Variants in SLC22A9 observed in about 807,000 individuals in gnomAD.
SLC22A9 encodes the protein solute carrier family 22 member 9.
SLC22A9 carries 64 observed loss-of-function variants against 50.1 expected under a neutral mutation model. That is an observed-to-expected ratio of 1.28 (90% CI 1.04 to 1.57). The LOEUF (loss-of-function observed/expected upper bound fraction) is 1.57, where lower values mean the gene tolerates loss of function less well. Among genes scored for constraint, SLC22A9 ranks in the 40% most tolerant of loss-of-function variants. The pLI, the probability that SLC22A9 is intolerant of heterozygous loss-of-function variation, is 0.00. For missense variants in SLC22A9, 757 were observed against 676.1 expected (o/e 1.12, Z -1.33); for synonymous variants, 261 against 242.5 (o/e 1.08, Z -0.71).
intron 7 of SLC22A9, among the ~76,000 whole-genome samples, chr11:63,407,797 G>A (rs4963408): frequency 6.6e-6 from 1 of 152,162 alleles, no homozygotes. Flanking sequence ...AGGCAGAGGA[G>A]TCCCTGGACG....
chr11:63,398,837 G>A (rs2014905636), intron 6 of SLC22A9, among the ~76,000 whole-genome samples: 2 of 152,094 alleles, frequency 1.3e-5, no homozygotes, highest in South Asian at 2.1e-4. Flanking sequence ...TTTGTGTGTC[G>A]ATAATTGTTA....
intron 6 of SLC22A9, among the ~76,000 whole-genome samples, chr11:63,386,883 C>G (rs564690826): frequency 3.3e-5 from 5 of 150,534 alleles, no homozygotes; most frequent in African/African-American, 1.2e-4. Context: ...TTTTTTGTAT[C>G]GCTGTCTCCT....
At chr11:63,382,324 T>A (rs1244989865) in intron 6 of SLC22A9, 47 bp downstream of exon 6, 1 of 1,368,728 alleles carries the variant, frequency 7.3e-7, no homozygotes, top group Non-Finnish European at 1.0e-6. Context: ...ACTGGAGACA[T>A]GAATCTTGTC....
intron 6 of SLC22A9, among the ~76,000 whole-genome samples, chr11:63,400,534 C>G (rs1026180717): frequency 6.6e-6 from 1 of 152,018 alleles, no homozygotes; most frequent in African/African-American, 2.4e-5. Flanking sequence ...AGTCCTCCAT[C>G]AAAGAACAAT....
At chr11:63,377,980 C>T (rs1412616977) in intron 5 of SLC22A9, among the ~76,000 whole-genome samples, 2 of 152,022 alleles carry the variant, frequency 1.3e-5, no homozygotes, top group Non-Finnish European at 2.9e-5. Flanking sequence ...AACATTCAAA[C>T]TCCCAATATT....
chr11:63,398,014 G>A (rs1443136026), intron 6 of SLC22A9, among the ~76,000 whole-genome samples: 1 of 152,154 alleles, frequency 6.6e-6, no homozygotes, highest in East Asian at 1.9e-4. Context: ...CCAGCACAAG[G>A]CAGAGTCTCA....
At chr11:63,408,937 G>A in intron 9 of SLC22A9, 58 bp downstream of exon 9, 2 of 1,577,516 alleles carry the variant, frequency 1.3e-6, no homozygotes, top group Non-Finnish European at 8.7e-7. Flanking sequence ...TCTGTGCTGA[G>A]GAAGGCAAAA....
chr11:63,399,065 T>TA (rs1318829066), intron 6 of SLC22A9, among the ~76,000 whole-genome samples: 2 of 152,026 alleles, frequency 1.3e-5, no homozygotes, highest in Non-Finnish European at 2.9e-5. Flanking sequence ...AATAGATACA[T>TA]AAAAATGAAA....
At position 63,369,836 on chromosome 11, in the gene SLC22A9, C is replaced by A; in HGVS notation, c.-221C>A. ...GAGTATCTGAGCAAATTATTTCTTA[C>A]GTGACTTTAGAGAAAACGGCTACCT... On this transcript the variant is annotated 5_prime_UTR_variant, in exon 1 of 10. Transcript: ENST00000279178. The A allele has an allele frequency of 4.1e-6, 2 of 487,760 alleles. No individual in the cohort carries two copies. The highest frequency in any genetic ancestry group is 7.2e-6 in the Non-Finnish European group (2 of 278,894). The allele number at this position is 487,760 out of a possible 1,614,324, so 30.2% of individuals were successfully genotyped here.
At chr11:63,404,551 G>GT (rs2015004793) in intron 6 of SLC22A9, among the ~76,000 whole-genome samples, 1 of 152,130 alleles carries the variant, frequency 6.6e-6, no homozygotes, top group South Asian at 2.1e-4. Context: ...ATGAATAAGT[G>GT]TTTTGAGAGC....
intron 2 of SLC22A9, among the ~76,000 whole-genome samples, chr11:63,372,528 A>ACC (rs1345867061): frequency 6.6e-6 from 1 of 152,168 alleles, no homozygotes; most frequent in Non-Finnish European, 1.5e-5. Context: ...ACAAGGAACT[A>ACC]CATTATGATG....
chr11:63,380,063 A>G (rs1191850950), intron 5 of SLC22A9, among the ~76,000 whole-genome samples: 1 of 152,054 alleles, frequency 6.6e-6, no homozygotes, highest in Non-Finnish European at 1.5e-5. Flanking sequence ...AGACATACAC[A>G]CAGCCAACAA....
chr11:63,389,523 AT>A (rs1479119034), intron 6 of SLC22A9, among the ~76,000 whole-genome samples: 2 of 152,060 alleles, frequency 1.3e-5, no homozygotes, highest in Non-Finnish European at 2.9e-5. Context: ...ATCCATTTTT[AT>A]GGCTGCATGG....
intron 6 of SLC22A9, among the ~76,000 whole-genome samples, chr11:63,383,776 C>T (rs61927998): frequency 0.04 from 6,031 of 152,184 alleles, 203 homozygotes; most frequent in African/African-American, 0.082. Flanking sequence ...ACAGGTCGGG[C>T]GCAGTGGCTC....
At chr11:63,391,763 T>A (rs1304536887) in intron 6 of SLC22A9, among the ~76,000 whole-genome samples, 1 of 152,100 alleles carries the variant, frequency 6.6e-6, no homozygotes, top group Non-Finnish European at 1.5e-5. Context: ...ATTCAGGAAC[T>A]CTCTGTCTTT....
chr11:63,398,653 C>T (rs925392542), intron 6 of SLC22A9, among the ~76,000 whole-genome samples: 1 of 152,174 alleles, frequency 6.6e-6, no homozygotes, highest in Non-Finnish European at 1.5e-5. Context: ...TCTCTATCCC[C>T]CAAGCACACA....
rs530106426 is a variant in SLC22A9 at position 63,374,570 on chromosome 11, G to A, written c.830+508G>A. On this transcript the variant is annotated intron_variant, in intron 4 of 9. Coordinates refer to ENST00000279178, the MANE Select transcript of SLC22A9 (RefSeq NM_080866.3). ...GCTAAAACCAGCAACCCATGACATGGGGAATAGCAATGAATCATTGCCTGA... is the reference window on the plus strand; with the variant it reads ...GCTAAAACCAGCAACCCATGACATGAGGAATAGCAATGAATCATTGCCTGA... 3.3e-5 allele frequency among the ~76,000 whole-genome samples: 5 copies of A among 152,206 alleles called. No homozygotes were observed. The South Asian group carries it at 1.0e-3, about 32-fold the overall frequency.
At chr11:63,377,980 CT>C (rs2119887207) in intron 5 of SLC22A9, among the ~76,000 whole-genome samples, 1 of 152,140 alleles carries the variant, frequency 6.6e-6, no homozygotes, top group Admixed American at 6.6e-5. Context: ...AACATTCAAA[CT>C]CCCAATATTG....
chr11:63,372,076 C>G (rs1010616151), intron 2 of SLC22A9, among the ~76,000 whole-genome samples: 2 of 152,154 alleles, frequency 1.3e-5, no homozygotes, highest in African/African-American at 4.8e-5. Flanking sequence ...CTCTGTGATA[C>G]TGTCCTGGGA....
Sources: allele counts gnomAD v4.1 joint callset (sites outside exome capture counted in the v4.1 genomes callset), GRCh38; gene constraint gnomAD v4.1.1; transcripts MANE v1.5; gene names NCBI Gene and HGNC (gene_info 2026-07-23, HGNC 2026-07-21).